PACRG: variants seen among roughly 807,000 people sequenced by gnomAD.
PACRG encodes parkin coregulated.
Under a neutral mutation model 29.7 loss-of-function variants are expected in PACRG, and 29 were observed. That is an observed-to-expected ratio of 0.98 (90% CI 0.73 to 1.33). The LOEUF is 1.33. PACRG is among the 40% of genes most tolerant of loss of function. The pLI, the probability that PACRG is intolerant of heterozygous loss-of-function variation, is 0.00. For missense variants in PACRG, 279 were observed against 316.2 expected (o/e 0.88, Z 0.89); for synonymous variants, 116 against 118.7 (o/e 0.98, Z 0.15).
At chr6:163,265,482 A>C (rs1039333755) in intron 4 of PACRG, among the ~76,000 whole-genome samples, 3 of 152,214 alleles carry the variant, frequency 2.0e-5, no homozygotes, top group African/African-American at 7.2e-5. Flanking sequence ...GCACAGAATG[A>C]AGTGAGGATA....
intron 2 of PACRG, among the ~76,000 whole-genome samples, chr6:162,905,730 G>A (rs939363600): frequency 2.0e-5 from 3 of 152,128 alleles, no homozygotes; most frequent in African/African-American, 4.8e-5. Context: ...TCCAATTAAT[G>A]TTGAGCTGTG....
intron 4 of PACRG, among the ~76,000 whole-genome samples, chr6:163,135,253 A>C (rs994562905): frequency 6.6e-6 from 1 of 151,690 alleles, no homozygotes; most frequent in Non-Finnish European, 1.5e-5. Flanking sequence ...CAGTGGCACA[A>C]TCTCGGCTCA....
intron 3 of PACRG, among the ~76,000 whole-genome samples, chr6:163,075,935 T>C (rs1448143443): frequency 1.3e-5 from 2 of 152,210 alleles, no homozygotes; most frequent in Non-Finnish European, 2.9e-5. Flanking sequence ...CCCAGCCTGA[T>C]AGTTGTTGCT....
At chr6:163,180,794 T>G (rs774546553) in intron 4 of PACRG, among the ~76,000 whole-genome samples, 12 of 152,214 alleles carry the variant, frequency 7.9e-5, no homozygotes, top group African/African-American at 1.2e-4. Flanking sequence ...GCAAAAAATC[T>G]GATTTTATGT....
chr6:163,128,179 C>A (rs546458932), intron 4 of PACRG, among the ~76,000 whole-genome samples: 177 of 152,306 alleles, frequency 1.2e-3, no homozygotes, highest in Non-Finnish European at 1.5e-3. Flanking sequence ...AAGCTTAATT[C>A]TCAGGATATT....
intron 1 of PACRG, among the ~76,000 whole-genome samples, chr6:162,736,260 C>T (rs1188442342): frequency 6.6e-6 from 1 of 151,934 alleles, no homozygotes; most frequent in African/African-American, 2.4e-5. Context: ...GCTAAGTACA[C>T]GTTATTAAAA....
chr6:163,158,679 C>A (rs1778423505), intron 4 of PACRG, among the ~76,000 whole-genome samples: 2 of 152,130 alleles, frequency 1.3e-5, no homozygotes, highest in African/African-American at 2.4e-5. Context: ...TCTAATACAT[C>A]ACAGTGTTAA....
intron 4 of PACRG, among the ~76,000 whole-genome samples, chr6:163,173,274 C>G (rs575380742): frequency 6.6e-6 from 1 of 152,178 alleles, no homozygotes; most frequent in Non-Finnish European, 1.5e-5. Flanking sequence ...ATGGATTGGT[C>G]TAGATTATCT....
At chr6:162,862,705 C>T (rs535974804) in intron 2 of PACRG, among the ~76,000 whole-genome samples, 1 of 152,270 alleles carries the variant, frequency 6.6e-6, no homozygotes, top group African/African-American at 2.4e-5. Flanking sequence ...TCATCCATAA[C>T]ACGATGCTGT....
chr6:163,071,931 C>T (rs1335854570), intron 3 of PACRG, among the ~76,000 whole-genome samples: 1 of 151,746 alleles, frequency 6.6e-6, no homozygotes, highest in Non-Finnish European at 1.5e-5. Context: ...GTAGACAAAG[C>T]ATAATAAAAA....
At chr6:163,001,184 G>C (rs1306970729) in intron 2 of PACRG, among the ~76,000 whole-genome samples, 1 of 152,234 alleles carries the variant, frequency 6.6e-6, no homozygotes, top group East Asian at 1.9e-4. Context: ...GTTGTGAACT[G>C]TTCAATAACC....
At chr6:163,272,338 G>GCATCATTCT (rs1783863273) in intron 4 of PACRG, among the ~76,000 whole-genome samples, 1 of 152,132 alleles carries the variant, frequency 6.6e-6, no homozygotes. Flanking sequence ...CGCCCGGCCT[G>GCATCATTCT]TGTATTAATT....
rs1792039592 is a variant in PACRG at position 162,863,516 on chromosome 6, G to C, written c.291+49235G>C. Among the ~76,000 whole-genome samples the C allele has an allele frequency of 2.0e-5, 3 of 152,188 alleles. No individual in the cohort carries two copies. In the South Asian group the frequency reaches 6.2e-4, roughly 31 times the overall value. The stretch of plus-strand genomic sequence containing the variant: ...TTGTCTCCTTTACAACCAAACAAAA[G>C]AGGATGGCACTGCATAGCAGAGGCT... On this transcript the variant is annotated intron_variant, in intron 2 of 4. Transcript: ENST00000366888.
chr6:162,795,157 G>C (rs1309739620), intron 1 of PACRG, among the ~76,000 whole-genome samples: 1 of 151,824 alleles, frequency 6.6e-6, no homozygotes, highest in Non-Finnish European at 1.5e-5. Flanking sequence ...GAATTTGCCT[G>C]ATATGTTCAA....
At chr6:162,744,296 T>C (rs1780820513) in intron 1 of PACRG, among the ~76,000 whole-genome samples, 1 of 152,194 alleles carries the variant, frequency 6.6e-6, no homozygotes, top group African/African-American at 2.4e-5. Context: ...CAGAGACATC[T>C]ATATAAAGAT....
chr6:163,048,170 A>G (rs956936706), intron 2 of PACRG, among the ~76,000 whole-genome samples: 1 of 151,998 alleles, frequency 6.6e-6, no homozygotes, highest in African/African-American at 2.4e-5. Context: ...CAATCTTTGC[A>G]TGTACTTTTC....
chr6:162,775,508 C>G (rs989807127), intron 1 of PACRG, among the ~76,000 whole-genome samples: 7 of 152,126 alleles, frequency 4.6e-5, no homozygotes, highest in Non-Finnish European at 8.8e-5. Flanking sequence ...CTTAAATGCC[C>G]TTTGATAACT....
At chr6:163,087,248 A>G (rs546898912) in intron 3 of PACRG, among the ~76,000 whole-genome samples, 1 of 151,328 alleles carries the variant, frequency 6.6e-6, no homozygotes, top group Admixed American at 6.6e-5. Flanking sequence ...GAGGATGGAG[A>G]CTGGGACCAG....
intron 4 of PACRG, among the ~76,000 whole-genome samples, chr6:163,254,192 A>T (rs868462509): frequency 6.6e-6 from 1 of 152,220 alleles, no homozygotes; most frequent in African/African-American, 2.4e-5. Context: ...AATATGTCTG[A>T]TCTTAAAACT....
Sources: allele counts gnomAD v4.1 joint callset (sites outside exome capture counted in the v4.1 genomes callset), GRCh38; gene constraint gnomAD v4.1.1; transcripts MANE v1.5; gene names NCBI Gene and HGNC (gene_info 2026-07-23, HGNC 2026-07-21).